ANKRD45: variants seen among roughly 807,000 people sequenced by gnomAD.
ANKRD45 encodes ankyrin repeat domain-containing protein 45.
A neutral mutation model predicts 28.1 loss-of-function variants in ANKRD45; 21 were observed. The observed-to-expected ratio is 0.75, with a 90% CI of 0.53 to 1.08. ANKRD45 has a LOEUF of 1.08. Among genes scored for constraint, ANKRD45 ranks in the 50% least tolerant of loss-of-function variants. ANKRD45 has a pLI of 0.00. For synonymous variants in ANKRD45, 86 were observed against 103.9 expected, an observed-to-expected ratio of 0.83 and a Z score of 1.05; for missense variants, 261 against 308.7, an observed-to-expected ratio of 0.85 and a Z score of 1.16.
At chr1:173,686,013 A>G in the ANKRD45 span, among the ~76,000 whole-genome samples, 3 of 152,172 alleles carry the variant, frequency 2.0e-5, no homozygotes, top group Non-Finnish European at 4.4e-5. Context: ...TGTTGGACCA[A>G]CTACAGCATA....
At chr1:173,623,023 C>CA (rs34623814) in intron 5 of ANKRD45, among the ~76,000 whole-genome samples, 18,875 of 146,912 alleles carry the variant, frequency 0.13, 1,231 homozygotes, top group Middle Eastern at 0.24. Context: ...AGAAGACATT[C>CA]AAAAAAAAAA....
intron 2 of ANKRD45, among the ~76,000 whole-genome samples, chr1:173,654,568 A>T (rs1470071307): frequency 1.3e-5 from 2 of 152,030 alleles, no homozygotes; most frequent in African/African-American, 2.4e-5. Flanking sequence ...TCTGACAATT[A>T]TGTGTCTTGG....
the ANKRD45 span, among the ~76,000 whole-genome samples, chr1:173,711,485 G>C: frequency 2.3e-3 from 346 of 152,316 alleles, 2 homozygotes; most frequent in South Asian, 1.9e-3. Flanking sequence ...TTAAGTTTCT[G>C]TTAGTCTTTC....
chr1:173,657,134 A>G lies in ANKRD45; in HGVS notation c.328+1957T>C, dbSNP rs574363754. 1.8e-3 allele frequency among the ~76,000 whole-genome samples: 269 copies of G among 151,236 alleles called. 1 individual carries two copies. The highest frequency in any genetic ancestry group is 6.4e-3 in the African/African-American group (264 of 41,286). ...TCTGTGTTAATATTCTATGTTTTCA[A>G]TTCCAAATATTATTTGTGCTGTCTC... On this transcript the variant is annotated intron_variant, in intron 2 of 5. Coordinates refer to ENST00000333279, the MANE Select transcript of ANKRD45 (RefSeq NM_198493.3).
At position 173,613,647 on chromosome 1, in the gene ANKRD45, A is replaced by AG. The variant is rs528829673; in HGVS notation, c.731-3433dup. On this transcript the variant is annotated intron_variant, in intron 5 of 5. Transcript: ENST00000333279. ...CCAGCTGCCCCGTCCGGGAGGGAGG[A>AG]GGGGGGTCAGCCCCCGCCTGGCCGC... 5.6e-4 allele frequency among the ~76,000 whole-genome samples: 66 copies of AG among 118,726 alleles called. No homozygotes were observed. The South Asian group carries it at 0.012, about 22-fold the overall frequency. 77.9% of individuals were successfully genotyped at this position (118,726 alleles called of 152,430 possible). A position where few individuals can be genotyped will look rare whatever the true frequency, so the allele number is the denominator to read the frequency against.
chr1:173,704,523 A>G, the ANKRD45 span, among the ~76,000 whole-genome samples: 2 of 152,178 alleles, frequency 1.3e-5, no homozygotes, highest in Admixed American at 6.5e-5. Flanking sequence ...ACATCAGCCC[A>G]CTCATATTTC....
chr1:173,669,385 T>A, intron 1 of ANKRD45: 1 of 438,282 alleles, frequency 2.3e-6, no homozygotes, highest in South Asian at 1.6e-5. Context: ...TTAAGCCAAC[T>A]GATTTTTTTC....
chr1:173,705,666 T>C, the ANKRD45 span, among the ~76,000 whole-genome samples: 2 of 151,726 alleles, frequency 1.3e-5, no homozygotes, highest in Admixed American at 1.3e-4. Context: ...GACTCTGTGT[T>C]AAAAAAAATT....
At chr1:173,653,592 A>G (rs1669345130) in intron 2 of ANKRD45, among the ~76,000 whole-genome samples, 1 of 152,116 alleles carries the variant, frequency 6.6e-6, no homozygotes, top group South Asian at 2.1e-4. Flanking sequence ...GGGGTGCAGC[A>G]TTCTGCAGAT....
intron 1 of ANKRD45, among the ~76,000 whole-genome samples, chr1:173,664,123 T>C (rs1669906747): frequency 6.6e-6 from 1 of 152,202 alleles, no homozygotes; most frequent in Non-Finnish European, 1.5e-5. Context: ...ATGGAGACTA[T>C]ACCAGGAAAT....
At chr1:173,662,311 G>T (rs983908175) in intron 1 of ANKRD45, among the ~76,000 whole-genome samples, 1 of 152,100 alleles carries the variant, frequency 6.6e-6, no homozygotes, top group Non-Finnish European at 1.5e-5. Context: ...GATAATAGTC[G>T]AAAGATCATT....
intron 1 of ANKRD45, among the ~76,000 whole-genome samples, chr1:173,664,476 C>G (rs1669922002): frequency 6.6e-6 from 1 of 152,128 alleles, no homozygotes; most frequent in African/African-American, 2.4e-5. Flanking sequence ...ATTTTTGTTT[C>G]ACAGGTATTC....
intron 2 of ANKRD45, among the ~76,000 whole-genome samples, chr1:173,654,889 G>T (rs1193007609): frequency 6.6e-6 from 1 of 151,972 alleles, no homozygotes; most frequent in East Asian, 1.9e-4. Context: ...TGATCGAATT[G>T]GCTACTGAAG....
rs1388017589 is a variant in ANKRD45, at chr1:173,608,480, G to A, written c.*1665C>T. On this transcript the variant is annotated 3_prime_UTR_variant, in exon 6 of 6. Transcript: ENST00000333279. ...TTACAGGCACGTGCCACCACATACAGCTAAATTTTTGTATTTTTAGTAGAG... is the reference window on the plus strand; with the variant it reads ...TTACAGGCACGTGCCACCACATACAACTAAATTTTTGTATTTTTAGTAGAG... Among the ~76,000 whole-genome samples the A allele has an allele frequency of 6.6e-6, 1 of 151,930 alleles. No homozygotes were observed. Among genetic ancestry groups the A allele is most frequent in the African/African-American group, 2.4e-5 (1 of 41,366 alleles).
chr1:173,626,924 G>A lies in ANKRD45; in HGVS notation c.591+141C>T, dbSNP rs1012640183. ...AAGTTTATAAAGAAAGGAAGGGAAG[G>A]TAGGAGGGAAGAAGGAAAGAAAGAG... is the stretch of plus-strand genomic sequence containing the variant. On this transcript the variant is annotated intron_variant, in intron 4 of 5. Coordinates refer to ENST00000333279, the MANE Select transcript of ANKRD45 (RefSeq NM_198493.3). 5.2e-6 allele frequency: 3 copies of A among 581,382 alleles called. No individual in the cohort carries two copies. In the African/African-American group the frequency reaches 5.8e-5, roughly 11 times the overall value. The allele number at this position is 581,382 out of a possible 1,614,324, so 36.0% of individuals were successfully genotyped here.
intron 3 of ANKRD45, among the ~76,000 whole-genome samples, chr1:173,643,802 A>T (rs1668806483): frequency 6.6e-6 from 1 of 152,180 alleles, no homozygotes; most frequent in Admixed American, 6.5e-5. Flanking sequence ...GAGGAAAAAA[A>T]CTTTTCAAAA....
At chr1:173,711,770 C>G in the ANKRD45 span, among the ~76,000 whole-genome samples, 1 of 152,166 alleles carries the variant, frequency 6.6e-6, no homozygotes, top group African/African-American at 2.4e-5. Context: ...TTACCATAAA[C>G]ACATCTCTAA....
At chr1:173,652,145 G>A (rs938091401) in intron 2 of ANKRD45, among the ~76,000 whole-genome samples, 1 of 152,052 alleles carries the variant, frequency 6.6e-6, no homozygotes, top group African/African-American at 2.4e-5. Context: ...GAATAGGAGT[G>A]GTGAGAGAGG....
chr1:173,696,821 G>A, the ANKRD45 span, among the ~76,000 whole-genome samples: 2 of 152,014 alleles, frequency 1.3e-5, no homozygotes, highest in African/African-American at 4.8e-5. Context: ...TGACTTTGAT[G>A]AGTTGACAGA....
Sources: gnomAD v4.1 joint callset for allele counts (sites outside exome capture counted in the v4.1 genomes callset) on GRCh38, gnomAD v4.1.1 for gene constraint, MANE v1.5 for transcripts, NCBI Gene and HGNC (gene_info 2026-07-23, HGNC 2026-07-21) for gene names.